The following DENND4A variants were observed in gnomAD, a reference collection of about 807,000 sequenced individuals.
DENND4A encodes C-myc promoter-binding protein.
In DENND4A, 70 loss-of-function variants were observed where a neutral mutation model predicts 199.3. That is an observed-to-expected ratio of 0.35 (90% CI 0.29 to 0.43). DENND4A has a LOEUF of 0.43. Among genes scored for constraint, DENND4A ranks in the 20% least tolerant of loss-of-function variants. The pLI, the probability that DENND4A is intolerant of heterozygous loss-of-function variation, is 1.00. For synonymous variants in DENND4A, 686 were observed against 766.9 expected (o/e 0.89, Z 1.74); for missense variants, 1,723 against 2,255.8 (o/e 0.76, Z 4.78).
chr15:65,788,049 T>C lies in DENND4A; in HGVS notation c.-102+3961A>G, dbSNP rs117603391. On this transcript the variant is annotated intron_variant, in intron 1 of 32. Transcript: ENST00000443035. ...ACAAAAATCCACATATGTAAAACTA[T>C]TACAAGGTTAGTGCTGGTTATTTAT... 7.2e-5 allele frequency among the ~76,000 whole-genome samples: 11 copies of C among 152,258 alleles called. No individual in the cohort carries two copies. The East Asian group carries it at 2.1e-3, about 29-fold the overall frequency.
intron 1 of DENND4A, among the ~76,000 whole-genome samples, chr15:65,779,226 C>T (rs1217475881): frequency 6.6e-6 from 1 of 152,016 alleles, no homozygotes; most frequent in Non-Finnish European, 1.5e-5. Context: ...GAGGCCGAGG[C>T]GCGTGGATCG....
intron 1 of DENND4A, among the ~76,000 whole-genome samples, chr15:65,791,447 T>C (rs2141044447): frequency 1.3e-5 from 2 of 148,860 alleles, no homozygotes; most frequent in South Asian, 2.2e-4. Context: ...AACAGTTCCC[T>C]TCCCCCACCA....
chr15:65,722,802 C>A, intron 12 of DENND4A, 46 bp downstream of exon 12: 1 of 1,396,692 alleles, frequency 7.2e-7, no homozygotes, highest in South Asian at 1.4e-5. Flanking sequence ...AATTGGAGTC[C>A]CTTTTTCAGA....
Position 65,752,503 on chromosome 15 carries a change from C to G in DENND4A, c.437G>C (p.Arg146Thr). 1 of 1,613,592 alleles carries G rather than the reference C, an allele frequency of 6.2e-7. No homozygotes were observed. Among genetic ancestry groups the G allele is most frequent in the Non-Finnish European group, 8.5e-7 (1 of 1,179,780 alleles). ...SSQRIYITYRRASENMTQNTL... is the reference protein window; with the variant it reads ...SSQRIYITYRTASENMTQNTL... ...ATTCTGAGTCATGTTTTCAGAGGCT[C>G]TTCGGTAAGTGATATAAATTCTTTG... The change falls in exon 4 of 33, where the codon AGA (arginine) becomes ACA (threonine). Residue 146 changes from arginine to threonine, a missense_variant. Around this residue, in one of 6 missense-constraint regions of DENND4A, gnomAD observed 725 missense variants for 952.9 expected, o/e 0.76. Coordinates refer to ENST00000443035, the MANE Select transcript of DENND4A (RefSeq NM_001320835.1).
chr15:65,738,696 C>A lies in DENND4A; in HGVS notation c.801+10G>T. The A allele has an allele frequency of 6.3e-7, 1 of 1,584,882 alleles. No individual in the cohort carries two copies. Among genetic ancestry groups the A allele is most frequent in the South Asian group, 1.2e-5 (1 of 84,562 alleles). ...AAATTTGTAGATACAATTTGTCAAA[C>A]ACATAATACCTTTTCAGCTGAGGCT... On this transcript the variant is annotated intron_variant, in intron 6 of 32. Coordinates refer to ENST00000443035, the MANE Select transcript of DENND4A (RefSeq NM_001320835.1).
In DENND4A at chr15:65,700,547, T is replaced by C; in HGVS notation, c.2830A>G (p.Thr944Ala). 6.6e-7 allele frequency: 1 copy of C among 1,522,756 alleles called. No individual in the cohort carries two copies. The highest frequency in any genetic ancestry group is 8.8e-7 in the Non-Finnish European group (1 of 1,132,848). 94.3% of individuals were successfully genotyped at this position (1,522,756 alleles called of 1,614,324 possible). ...KVYATDDRSS[T>A]GGQSDLGYNS... Reference sequence around the variant, plus strand: ...GTATACATAAGCATACACAAACCTGTACTAGATCTATCATCAGTAGCATAT... The same window carrying C: ...GTATACATAAGCATACACAAACCTGCACTAGATCTATCATCAGTAGCATAT... Residue 944 changes from threonine to alanine, a missense_variant, in exon 20 of 33, where the codon ACA becomes GCA. Physicochemically the swap from Thr to Ala is moderately conservative, Grantham distance 58 (BLOSUM62 0). Transcript: ENST00000443035.
chr15:65,728,294 C>T (rs1362508660), intron 11 of DENND4A, among the ~76,000 whole-genome samples: 6 of 152,098 alleles, frequency 3.9e-5, no homozygotes, highest in South Asian at 2.1e-4. Flanking sequence ...TCAGCCACCA[C>T]GCCCAGTCTA....
chr15:65,665,025 A>C (rs1000692900), intron 30 of DENND4A: 6 of 458,238 alleles, frequency 1.3e-5, no homozygotes, highest in Non-Finnish European at 2.3e-5. Context: ...AAATAAGTAA[A>C]AAGAAGAAAT....
intron 20 of DENND4A, among the ~76,000 whole-genome samples, chr15:65,700,206 A>G (rs1384920415): frequency 2.0e-5 from 3 of 152,040 alleles, no homozygotes; most frequent in Admixed American, 6.6e-5. Flanking sequence ...CTTTTTTTAA[A>G]AAACTCTAAT....
chr15:65,791,890 G>C (rs2077741673), intron 1 of DENND4A, 120 bp downstream of exon 1: 1 of 152,276 alleles, frequency 6.6e-6, no homozygotes, highest in Non-Finnish European at 1.5e-5. Context: ...CGGAGATCTC[G>C]GCCATCCGTG....
intron 1 of DENND4A, among the ~76,000 whole-genome samples, chr15:65,773,471 A>G (rs2077196165): frequency 6.6e-6 from 1 of 152,208 alleles, no homozygotes; most frequent in Admixed American, 6.5e-5. Context: ...AAGGACACAC[A>G]GCTTAGGCTT....
At chr15:65,705,290 C>G (rs2075010914) in intron 15 of DENND4A, among the ~76,000 whole-genome samples, 1 of 152,036 alleles carries the variant, frequency 6.6e-6, no homozygotes, top group Non-Finnish European at 1.5e-5. Context: ...AATAACAAAC[C>G]ATGATTCAAT....
At chr15:65,674,535 G>C (rs2076313807) in intron 24 of DENND4A, among the ~76,000 whole-genome samples, 1 of 152,250 alleles carries the variant, frequency 6.6e-6, no homozygotes, top group South Asian at 2.1e-4. Flanking sequence ...AGCCAATGCT[G>C]GAGGATCACT....
chr15:65,723,501 T>C (rs2075710244), intron 11 of DENND4A, among the ~76,000 whole-genome samples: 1 of 152,156 alleles, frequency 6.6e-6, no homozygotes, highest in Non-Finnish European at 1.5e-5. Flanking sequence ...ATTACTTGAA[T>C]AAAGCATAAT....
intron 4 of DENND4A, among the ~76,000 whole-genome samples, chr15:65,742,519 A>T (rs1481265438): frequency 6.7e-6 from 1 of 148,538 alleles, no homozygotes; most frequent in African/African-American, 2.5e-5. Context: ...TCCGCCTCCC[A>T]GGTTCAAGTG....
At chr15:65,685,008 T>C (rs551008510) in intron 23 of DENND4A, among the ~76,000 whole-genome samples, 27 of 151,904 alleles carry the variant, frequency 1.8e-4, no homozygotes, top group Non-Finnish European at 3.5e-4. Flanking sequence ...GTATTTTTAG[T>C]AGAAACGGGG....
chr15:65,748,640 C>CA (rs376423161), intron 4 of DENND4A, among the ~76,000 whole-genome samples: 112 of 134,772 alleles, frequency 8.3e-4, no homozygotes, highest in African/African-American at 2.5e-3. Flanking sequence ...AAAAAACAAA[C>CA]AAAAAAAACA....
rs1323068418 is a variant in DENND4A, at chr15:65,737,933, C to A, written c.814G>T (p.Ala272Ser). The A allele has an allele frequency of 1.3e-6, 2 of 1,587,376 alleles. No homozygotes were observed. Among genetic ancestry groups the A allele is most frequent in the Admixed American group, 3.6e-5 (2 of 55,972 alleles). The change falls in exon 7 of 33, where the codon GCT (alanine) becomes TCT (serine). Residue 272 changes from alanine to serine, a missense_variant. Physicochemically the swap from Ala to Ser is moderately conservative, Grantham distance 99 (BLOSUM62 1). Transcript: ENST00000443035. ...GAGTATGGTTCATAAAACTGAATAG[C>A]AGCACCATAAACCTGCAAAACAAGT... ...GASAEKVYGA[A>S]IQFYEPYSEE...
intron 7 of DENND4A, among the ~76,000 whole-genome samples, chr15:65,737,233 T>C (rs1280656205): frequency 6.6e-6 from 1 of 152,102 alleles, no homozygotes; most frequent in African/African-American, 2.4e-5. Flanking sequence ...CTAATTTCTG[T>C]AGTTTTGTAG....
Sources: gnomAD v4.1 joint callset for allele counts (sites outside exome capture counted in the v4.1 genomes callset) on GRCh38, gnomAD v4.1.1 for gene constraint, gnomAD v4.1.1 regional missense constraint, MANE v1.5 for transcripts, NCBI Gene and HGNC (gene_info 2026-07-23, HGNC 2026-07-21) for gene names.